The following CADPS2 variants were observed in gnomAD, a reference collection of about 807,000 sequenced individuals.
CADPS2 encodes the protein calcium-dependent secretion activator 2.
In CADPS2, 93 loss-of-function variants were observed where a neutral mutation model predicts 172.5. The observed-to-expected ratio is 0.54, with a 90% CI of 0.46 to 0.64. The LOEUF is 0.64. Ranked by LOEUF, CADPS2 falls within the 30% of genes least tolerant of loss-of-function variation. The pLI is 0.00. For missense variants in CADPS2, 1,420 were observed against 1,565.9 expected (o/e 0.91, Z 1.57); for synonymous variants, 546 against 555.2 (o/e 0.98, Z 0.23).
At chr7:122,574,482 C>G (rs1368646528) in intron 7 of CADPS2, among the ~76,000 whole-genome samples, 1 of 98,940 alleles carries the variant, frequency 1.0e-5, no homozygotes, top group Non-Finnish European at 2.0e-5. Context: ...TATTTCTCAA[C>G]TAAGAAGTGT....
At chr7:122,583,529 T>TA (rs1011200148) in intron 6 of CADPS2, among the ~76,000 whole-genome samples, 27 of 151,458 alleles carry the variant, frequency 1.8e-4, no homozygotes, top group East Asian at 9.7e-4. Flanking sequence ...CTTTTATAGG[T>TA]AAAAAAAATT....
At position 122,320,031 on chromosome 7, in the gene CADPS2, GCTTA is replaced by G. The variant is rs2032066226; in HGVS notation, c.*130_*133del. On this transcript the variant is annotated 3_prime_UTR_variant, in exon 30 of 30. Transcript: ENST00000449022. ...ATTTCCCCTTTTACTCTACATTCAG[GCTTA>G]CTTTTTAAAGAAATACAAGCATTTT... is the stretch of plus-strand genomic sequence containing the variant. 5.6e-6 allele frequency: 5 copies of G among 900,638 alleles called. No homozygotes were observed. Among genetic ancestry groups the G allele is most frequent in the African/African-American group, 1.7e-5 (1 of 58,098 alleles). 55.8% of individuals were successfully genotyped at this position (900,638 alleles called of 1,614,324 possible).
chr7:122,761,135 T>C (rs1274881967), intron 1 of CADPS2, among the ~76,000 whole-genome samples: 2 of 152,146 alleles, frequency 1.3e-5, no homozygotes, highest in African/African-American at 4.8e-5. Flanking sequence ...CCTGTCACTA[T>C]TTTGGGAAAA....
At chr7:122,488,671 T>G (rs1320564604) in intron 11 of CADPS2, among the ~76,000 whole-genome samples, 2 of 152,220 alleles carry the variant, frequency 1.3e-5, no homozygotes, top group Non-Finnish European at 2.9e-5. Flanking sequence ...TTCAATGATA[T>G]CACAGTTTTA....
chr7:122,885,294 G>A (rs1011598718), intron 1 of CADPS2, among the ~76,000 whole-genome samples: 3 of 152,034 alleles, frequency 2.0e-5, no homozygotes, highest in African/African-American at 7.2e-5. Flanking sequence ...AAAGCATTTG[G>A]AAAGCATTTG....
chr7:122,684,736 A>G (rs1049101331), intron 2 of CADPS2, among the ~76,000 whole-genome samples: 6 of 152,184 alleles, frequency 3.9e-5, no homozygotes, highest in Non-Finnish European at 1.5e-5. Flanking sequence ...CTAAAAGCCA[A>G]ACCATTACAT....
At chr7:122,467,166 C>T (rs1280676235) in intron 14 of CADPS2, among the ~76,000 whole-genome samples, 1 of 152,216 alleles carries the variant, frequency 6.6e-6, no homozygotes, top group Non-Finnish European at 1.5e-5. Flanking sequence ...AGATCAGGTA[C>T]ATTACCTAAG....
At position 122,684,136 on chromosome 7, in the gene CADPS2, T is replaced by A. The variant is rs183560673; in HGVS notation, c.454-20567A>T. 2.6e-4 allele frequency among the ~76,000 whole-genome samples: 40 copies of A among 152,294 alleles called. 1 individual carries two copies. Among genetic ancestry groups the A allele is most frequent in the Admixed American group, 2.6e-3 (39 of 15,292 alleles). ...AAGTGTTTTGGTTTTTGTTTAGAAG[T>A]TTGGTGATATTTTTGTGACCAGAAA... On this transcript the variant is annotated intron_variant, in intron 2 of 29. Coordinates refer to ENST00000449022, the MANE Select transcript of CADPS2 (RefSeq NM_017954.11).
chr7:122,775,787 C>T (rs1212366159), intron 1 of CADPS2, among the ~76,000 whole-genome samples: 1 of 152,102 alleles, frequency 6.6e-6, no homozygotes, highest in Non-Finnish European at 1.5e-5. Flanking sequence ...ATTAGCAGTA[C>T]AGCTCTTGAA....
chr7:122,427,678 G>A (rs190110497), intron 17 of CADPS2, among the ~76,000 whole-genome samples: 41 of 152,156 alleles, frequency 2.7e-4, no homozygotes, highest in African/African-American at 8.9e-4. Flanking sequence ...GCTTGTAGTC[G>A]TCTGCCGGAT....
chr7:122,621,020 C>G (rs946425851), intron 5 of CADPS2, among the ~76,000 whole-genome samples: 1 of 152,174 alleles, frequency 6.6e-6, no homozygotes, highest in African/African-American at 2.4e-5. Flanking sequence ...AATCCTCCGC[C>G]TCAGCCTCCC....
chr7:122,822,451 C>T (rs528645958), intron 1 of CADPS2, among the ~76,000 whole-genome samples: 6 of 151,964 alleles, frequency 3.9e-5, no homozygotes, highest in Non-Finnish European at 8.8e-5. Flanking sequence ...TGAGAAACAT[C>T]GCCCATTCTC....
chr7:122,755,718 T>G (rs934432131), intron 1 of CADPS2, among the ~76,000 whole-genome samples: 4 of 151,332 alleles, frequency 2.6e-5, no homozygotes, highest in African/African-American at 9.7e-5. Flanking sequence ...GGGAACAAAA[T>G]TTAGAGAGGC....
At chr7:122,555,468 G>A (rs1315463989) in intron 7 of CADPS2, among the ~76,000 whole-genome samples, 1 of 151,936 alleles carries the variant, frequency 6.6e-6, no homozygotes, top group Non-Finnish European at 1.5e-5. Flanking sequence ...TTTTTAAATG[G>A]GAGAATGCTC....
chr7:122,645,300 CATATGT>C (rs1458200728), intron 3 of CADPS2, among the ~76,000 whole-genome samples: 2 of 134,280 alleles, frequency 1.5e-5, no homozygotes, highest in East Asian at 2.2e-4. Context: ...CATATATACA[CATATGT>C]ACATGTGTGT....
At chr7:122,348,320 AG>A (rs1292756597) in intron 27 of CADPS2, among the ~76,000 whole-genome samples, 1 of 152,168 alleles carries the variant, frequency 6.6e-6, no homozygotes, top group Non-Finnish European at 1.5e-5. Context: ...AACACTGTCC[AG>A]GAAGAGTTTA....
chr7:122,671,867 T>C (rs2081900686), intron 2 of CADPS2, among the ~76,000 whole-genome samples: 1 of 152,166 alleles, frequency 6.6e-6, no homozygotes, highest in Non-Finnish European at 1.5e-5. Flanking sequence ...TTTAAAGCTG[T>C]GAAACCCATC....
At chr7:122,879,130 G>T (rs550008805) in intron 1 of CADPS2, among the ~76,000 whole-genome samples, 33 of 151,480 alleles carry the variant, frequency 2.2e-4, no homozygotes, top group Non-Finnish European at 4.3e-4. Context: ...CCAGCTACTC[G>T]AGAGGCCGAG....
intron 9 of CADPS2, among the ~76,000 whole-genome samples, chr7:122,505,750 C>T (rs922488671): frequency 1.3e-5 from 2 of 152,152 alleles, no homozygotes; most frequent in African/African-American, 4.8e-5. Flanking sequence ...GAAGCTGCAA[C>T]CTATTAATGC....
Sources: gnomAD v4.1 joint callset for allele counts (sites outside exome capture counted in the v4.1 genomes callset) on GRCh38, gnomAD v4.1.1 for gene constraint, MANE v1.5 for transcripts, NCBI Gene and HGNC (gene_info 2026-07-23, HGNC 2026-07-21) for gene names.